Variants in KLHL3 observed in about 807,000 individuals in gnomAD.
The protein encoded by KLHL3 is kelch-like protein 3.
In KLHL3, 19 loss-of-function variants were observed where a neutral mutation model predicts 70.5. The observed-to-expected ratio is 0.27, with a 90% CI of 0.19 to 0.40. KLHL3 has a LOEUF of 0.40. Among genes scored for constraint, KLHL3 ranks in the 10% least tolerant of loss-of-function variants. KLHL3 has a pLI of 1.00. For synonymous variants in KLHL3, 258 were observed against 290.3 expected (o/e 0.89, Z 1.13); for missense variants, 512 against 771.1 (o/e 0.66, Z 3.98).
chr5:137,665,241 A>G (rs184303683), intron 6 of KLHL3, among the ~76,000 whole-genome samples: 114 of 152,306 alleles, frequency 7.5e-4, no homozygotes, highest in African/African-American at 2.7e-3. Flanking sequence ...CCGTGCATAA[A>G]CCATAATTAG....
chr5:137,658,565 A>G (rs894463866), intron 7 of KLHL3, among the ~76,000 whole-genome samples: 1 of 152,188 alleles, frequency 6.6e-6, no homozygotes, highest in African/African-American at 2.4e-5. Context: ...CAACCTCACT[A>G]GTTTTGTTTG....
chr5:137,707,021 C>T (rs1752698137), intron 3 of KLHL3, among the ~76,000 whole-genome samples: 1 of 152,056 alleles, frequency 6.6e-6, no homozygotes, highest in Non-Finnish European at 1.5e-5. Flanking sequence ...AAAGGCCTTC[C>T]TGAGGAAGTG....
At position 137,658,279 on chromosome 5, in the gene KLHL3, G is replaced by A. The variant is rs377302959; in HGVS notation, c.755C>T (p.Thr252Met). The A allele has an allele frequency of 2.9e-5, 46 of 1,613,608 alleles. No homozygotes were observed. Among genetic ancestry groups the A allele is most frequent in the Non-Finnish European group, 3.3e-5 (39 of 1,179,734 alleles). The change falls in exon 8 of 15, where the codon ACG (threonine) becomes ATG (methionine). Residue 252 changes from threonine (T) to methionine (M), a missense_variant and splice_region_variant. Transcript: ENST00000309755. The part of the protein sequence containing the change: ...PLLPRDYLVQ[T>M]VEEEALIKNN... ...CTTTATCAAAGCTTCTTCTTCAACC[G>A]TCTAGAGGTAATAATCCACAGATGA...
chr5:137,649,734 AATCC>A (rs1456233479), intron 8 of KLHL3, among the ~76,000 whole-genome samples: 1 of 152,248 alleles, frequency 6.6e-6, no homozygotes, highest in Non-Finnish European at 1.5e-5. Context: ...CAGTTATGAA[AATCC>A]TATGAGATAA....
At chr5:137,720,751 TC>T in intron 1 of KLHL3, 167 bp from the exon 2 acceptor site, 1 of 1,440,490 alleles carries the variant, frequency 6.9e-7, no homozygotes, top group Non-Finnish European at 9.1e-7. Flanking sequence ...CTTCATATCT[TC>T]CAAAGCAAAG....
chr5:137,628,652 T>A (rs138928766), intron 12 of KLHL3: 8 of 460,712 alleles, frequency 1.7e-5, no homozygotes, highest in Admixed American at 3.9e-5. Context: ...CTTTGAAATA[T>A]AATGCAAATG....
chr5:137,699,774 C>G (rs1255170752), intron 3 of KLHL3, among the ~76,000 whole-genome samples: 1 of 152,138 alleles, frequency 6.6e-6, no homozygotes, highest in African/African-American at 2.4e-5. Flanking sequence ...GATCCAGAAG[C>G]CTCAATGTGA....
intron 8 of KLHL3, among the ~76,000 whole-genome samples, chr5:137,654,209 A>G (rs1157417610): frequency 2.0e-5 from 3 of 152,210 alleles, no homozygotes; most frequent in African/African-American, 7.2e-5. Context: ...AACTTATCAC[A>G]TTGTATCTCT....
chr5:137,684,491 G>A lies in KLHL3; in HGVS notation c.527-6837C>T, dbSNP rs180933694. On this transcript the variant is annotated intron_variant, in intron 5 of 14. Transcript: ENST00000309755. Reference sequence around the variant, plus strand: ...AAAAAAAGGCCATTTCTCTCCATAAGCACGTGAAATCCAATGGCTTTTCCA... The same window carrying A: ...AAAAAAAGGCCATTTCTCTCCATAAACACGTGAAATCCAATGGCTTTTCCA... Among the ~76,000 whole-genome samples the A allele has an allele frequency of 4.6e-5, 7 of 152,204 alleles. No individual in the cohort carries two copies. In the East Asian group the frequency reaches 1.3e-3, roughly 29 times the overall value.
Position 137,661,962 on chromosome 5 carries a change from T to C in KLHL3, c.706A>G (p.Met236Val). 6.2e-7 allele frequency: 1 copy of C among 1,613,372 alleles called. No homozygotes were observed. Among genetic ancestry groups the C allele is most frequent in the East Asian group, 2.2e-5 (1 of 44,866 alleles). ...AAGAGAGGAAGTCGGACATGTTCCATCAGCTTTGCCATGTGCTCTAAACGG... is the reference window on the plus strand; with the variant it reads ...AAGAGAGGAAGTCGGACATGTTCCACCAGCTTTGCCATGTGCTCTAAACGG... ...ETRLEHMAKL[M>V]EHVRLPLLPR... The change falls in exon 7 of 15, where the codon ATG (methionine) becomes GTG (valine). Residue 236 changes from methionine to valine, a missense_variant. Coordinates refer to ENST00000309755, the MANE Select transcript of KLHL3 (RefSeq NM_017415.3).
intron 8 of KLHL3, among the ~76,000 whole-genome samples, chr5:137,651,697 A>C (rs1393738951): frequency 6.6e-6 from 1 of 152,184 alleles, no homozygotes; most frequent in Non-Finnish European, 1.5e-5. Context: ...GCTTTTTTGT[A>C]GATAGACAAG....
chr5:137,663,217 C>T (rs576248660), intron 6 of KLHL3, among the ~76,000 whole-genome samples: 3 of 151,802 alleles, frequency 2.0e-5, no homozygotes, highest in Non-Finnish European at 4.4e-5. Flanking sequence ...CCACTACACC[C>T]GGCTAATTTT....
At chr5:137,681,983 A>G (rs1580756697) in intron 5 of KLHL3, among the ~76,000 whole-genome samples, 1 of 152,138 alleles carries the variant, frequency 6.6e-6, no homozygotes, top group East Asian at 1.9e-4. Context: ...TATCTTCCCA[A>G]TGTTAAAAGG....
Position 137,656,216 on chromosome 5 carries a change from A to AC in KLHL3, c.903+1914_903+1915insG, listed in dbSNP as rs1443860257. On this transcript the variant is annotated intron_variant, in intron 8 of 14. Coordinates refer to ENST00000309755, the MANE Select transcript of KLHL3 (RefSeq NM_017415.3). ...CACAGAAATGTTTACATTACAAAAAAAAAAGGAAATTACTGCAAAGCCCAT... is the reference window on the plus strand; with the variant it reads ...CACAGAAATGTTTACATTACAAAAAACAAAAGGAAATTACTGCAAAGCCCAT... Among the ~76,000 whole-genome samples the AC allele has an allele frequency of 4.6e-5, 7 of 152,040 alleles. No homozygotes were observed. The East Asian group carries it at 1.4e-3, about 29-fold the overall frequency.
rs756154993 is a variant in KLHL3, at chr5:137,640,009, C to T, written c.904-32G>A. 3.8e-6 allele frequency: 6 copies of T among 1,582,552 alleles called. No individual in the cohort carries two copies. In the Admixed American group the frequency reaches 1.0e-4, roughly 26 times the overall value. On this transcript the variant is annotated intron_variant, in intron 8 of 14. Transcript: ENST00000309755. ...AGAGACAAGTGGACGTTAGCGGGGTCACCCCAAAATCTGGATTTATGGTAT... is the reference window on the plus strand; with the variant it reads ...AGAGACAAGTGGACGTTAGCGGGGTTACCCCAAAATCTGGATTTATGGTAT...
chr5:137,715,507 T>C (rs962847819), intron 2 of KLHL3, among the ~76,000 whole-genome samples: 1 of 152,126 alleles, frequency 6.6e-6, no homozygotes, highest in Non-Finnish European at 1.5e-5. Flanking sequence ...TTCCACTCTA[T>C]TTTTCATAAG....
chr5:137,693,586 G>A (rs778679088), intron 4 of KLHL3, among the ~76,000 whole-genome samples: 1 of 152,098 alleles, frequency 6.6e-6, no homozygotes, highest in African/African-American at 2.4e-5. Context: ...GAAGCAGCAG[G>A]TAGTCTGAGA....
intron 14 of KLHL3, among the ~76,000 whole-genome samples, chr5:137,623,752 T>C (rs1007061343): frequency 6.6e-6 from 1 of 152,206 alleles, no homozygotes; most frequent in Non-Finnish European, 1.5e-5. Context: ...CAAGTATTAC[T>C]GCATTTCATT....
Position 137,625,746 on chromosome 5 carries a change from C to T in KLHL3, c.1735+7G>A. The T allele has an allele frequency of 6.2e-7, 1 of 1,614,106 alleles. No individual in the cohort carries two copies. Among genetic ancestry groups the T allele is most frequent in the Non-Finnish European group, 8.5e-7 (1 of 1,179,978 alleles). ...CTCGGATGGGCATGGAGATGGCACA[C>T]ACTGACCTGCATAGCTCCGCCCCGT... On this transcript the variant is annotated splice_region_variant and intron_variant, in intron 14 of 14. Transcript: ENST00000309755.
Sources: allele counts gnomAD v4.1 joint callset (sites outside exome capture counted in the v4.1 genomes callset), GRCh38; gene constraint gnomAD v4.1.1; transcripts MANE v1.5; gene names NCBI Gene and HGNC (gene_info 2026-07-23, HGNC 2026-07-21).